Variants in CHODL observed in about 807,000 individuals in gnomAD.
CHODL encodes chondrolectin.
A neutral mutation model predicts 34.5 loss-of-function variants in CHODL; 29 were observed. The ratio of observed to expected loss-of-function variants is 0.84; its 90% CI spans 0.63 to 1.15. The LOEUF (loss-of-function observed/expected upper bound fraction) is 1.15. Ranked by LOEUF, CHODL falls within the 50% of genes most tolerant of loss-of-function variation. The pLI is 0.00. For missense variants in CHODL, 332 were observed against 332.5 expected (o/e 1.00, Z 0.01); for synonymous variants, 125 against 116.1 (o/e 1.08, Z -0.49).
intron 2 of CHODL, among the ~76,000 whole-genome samples, chr21:18,122,626 T>C (rs1014688964): frequency 6.6e-6 from 1 of 152,062 alleles, no homozygotes; most frequent in South Asian, 2.1e-4. Flanking sequence ...AGAAGTAACA[T>C]CACCAAAGAA....
At chr21:17,938,751 T>A (rs968374766) in intron 1 of CHODL, among the ~76,000 whole-genome samples, 1 of 152,142 alleles carries the variant, frequency 6.6e-6, no homozygotes, top group Non-Finnish European at 1.5e-5. Flanking sequence ...GTGCTGGGAT[T>A]ACAGGTGTGA....
At chr21:18,079,410 T>A (rs1042733690) in intron 2 of CHODL, among the ~76,000 whole-genome samples, 1 of 147,692 alleles carries the variant, frequency 6.8e-6, no homozygotes, top group Admixed American at 6.8e-5. Context: ...ATATATCACA[T>A]ATATATACCA....
chr21:18,009,078 T>G (rs1163789186), intron 1 of CHODL, among the ~76,000 whole-genome samples: 1 of 152,246 alleles, frequency 6.6e-6, no homozygotes, highest in Non-Finnish European at 1.5e-5. Context: ...GATTTTCTAA[T>G]TTTTAGTATA....
At chr21:18,011,241 T>C (rs1600892370) in intron 1 of CHODL, among the ~76,000 whole-genome samples, 1 of 152,080 alleles carries the variant, frequency 6.6e-6, no homozygotes, top group East Asian at 1.9e-4. Context: ...AGTTTTTGGC[T>C]AATAACTTAG....
intron 2 of CHODL, among the ~76,000 whole-genome samples, chr21:18,153,571 G>A (rs929609824): frequency 2.0e-5 from 3 of 151,530 alleles, no homozygotes; most frequent in African/African-American, 7.3e-5. Flanking sequence ...TGATTATATC[G>A]AGTTCATCTG....
At chr21:18,145,569 AGGG>A (rs1339638025) in intron 2 of CHODL, among the ~76,000 whole-genome samples, 2 of 151,910 alleles carry the variant, frequency 1.3e-5, no homozygotes, top group Non-Finnish European at 2.9e-5. Context: ...CATAGAATGG[AGGG>A]TGGGCTGTTA....
rs141141375 is a variant in CHODL, at chr21:18,236,325, C to T, written c.-44-20184C>T. ...ATGATTCAATTACGTCCTATAGGGT[C>T]CTTTCCATAGCACATGGGGATTATG... On this transcript the variant is annotated intron_variant, in intron 2 of 6. Transcript: ENST00000400127. 2.0e-5 allele frequency among the ~76,000 whole-genome samples: 3 copies of T among 152,190 alleles called. No individual in the cohort carries two copies. The East Asian group carries it at 5.8e-4, about 29-fold the overall frequency.
chr21:17,958,590 G>A (rs1028157874), intron 1 of CHODL, among the ~76,000 whole-genome samples: 2 of 152,082 alleles, frequency 1.3e-5, no homozygotes, highest in African/African-American at 4.8e-5. Context: ...ACACTTGGTA[G>A]GAACAGGCAT....
At chr21:18,008,467 A>G (rs1282217726) in intron 1 of CHODL, among the ~76,000 whole-genome samples, 2 of 152,072 alleles carry the variant, frequency 1.3e-5, no homozygotes, top group African/African-American at 4.8e-5. Context: ...TAGCTGAAGA[A>G]CAACTCTCCA....
chr21:18,133,865 C>T (rs965140407), intron 2 of CHODL, among the ~76,000 whole-genome samples: 26 of 152,248 alleles, frequency 1.7e-4, no homozygotes, highest in African/African-American at 5.5e-4. Flanking sequence ...CTGGGAGTCC[C>T]ATCTCTTCTG....
chr21:18,245,170 TG>T lies in CHODL; in HGVS notation c.-51del. 2.6e-6 allele frequency: 2 copies of T among 777,454 alleles called. No homozygotes were observed. The highest frequency in any genetic ancestry group is 3.8e-6 in the Non-Finnish European group (2 of 528,686). The allele number at this position is 777,454 out of a possible 1,614,324, so 48.2% of individuals were successfully genotyped here. A position where few individuals can be genotyped will look rare whatever the true frequency, so the allele number is the denominator to read the frequency against. On this transcript the variant is annotated 5_prime_UTR_variant, in exon 1 of 6. Transcript: ENST00000299295. ...AGAGTCAGAGTCGCGGGCTGCGCCC[TG>T]GGCAGAGGCCGCCCTCGCTCCACGC...
chr21:18,265,263 ATATATATATGTGTGTG>A (rs2074442815), intron 5 of CHODL, among the ~76,000 whole-genome samples: 3 of 117,256 alleles, frequency 2.6e-5, no homozygotes, highest in South Asian at 4.4e-4. Context: ...ATATATGTGT[ATATATATATGTGTGTG>A]TATATATATA....
chr21:18,155,976 TATACTC>T (rs2073029552), intron 2 of CHODL, among the ~76,000 whole-genome samples: 1 of 152,192 alleles, frequency 6.6e-6, no homozygotes, highest in Non-Finnish European at 1.5e-5. Flanking sequence ...ATGGAATACT[TATACTC>T]AAGTCAGAAG....
At chr21:18,087,437 G>C (rs948146294) in intron 2 of CHODL, among the ~76,000 whole-genome samples, 2 of 152,136 alleles carry the variant, frequency 1.3e-5, no homozygotes, top group African/African-American at 4.8e-5. Flanking sequence ...ACAAGAGATG[G>C]AAAGGCCCCT....
intron 2 of CHODL, among the ~76,000 whole-genome samples, chr21:18,202,900 A>T (rs1401972235): frequency 6.6e-6 from 1 of 150,782 alleles, no homozygotes; most frequent in Non-Finnish European, 1.5e-5. Context: ...GTCTACATCT[A>T]CCAAAGCCAG....
chr21:17,952,725 ATGG>A (rs1340628419), intron 1 of CHODL, among the ~76,000 whole-genome samples: 6 of 152,218 alleles, frequency 3.9e-5, no homozygotes, highest in East Asian at 1.9e-4. Flanking sequence ...ATTTAAGAAA[ATGG>A]ATTATTTAAA....
chr21:18,121,012 T>C (rs1018016878), intron 2 of CHODL, among the ~76,000 whole-genome samples: 17 of 152,178 alleles, frequency 1.1e-4, no homozygotes, highest in African/African-American at 3.9e-4. Context: ...CATTAAAACA[T>C]TTCCAAGTTT....
At chr21:18,056,476 C>CTTT (rs34378503) in intron 2 of CHODL, among the ~76,000 whole-genome samples, 2 of 141,994 alleles carry the variant, frequency 1.4e-5, no homozygotes, top group South Asian at 2.2e-4. Context: ...TATTTTCCTT[C>CTTT]TTTTTTTTTT....
chr21:18,077,577 G>A (rs2146508271), intron 2 of CHODL, among the ~76,000 whole-genome samples: 1 of 152,258 alleles, frequency 6.6e-6, no homozygotes, highest in South Asian at 2.1e-4. Flanking sequence ...TCTTTGGGAA[G>A]TAATTAGGTC....
Sources: allele counts gnomAD v4.1 joint callset (sites outside exome capture counted in the v4.1 genomes callset), GRCh38; gene constraint gnomAD v4.1.1; transcripts MANE v1.5; gene names NCBI Gene and HGNC (gene_info 2026-07-23, HGNC 2026-07-21).